The following NBEA variants were observed in gnomAD, a reference collection of about 807,000 sequenced individuals.
NBEA encodes lysosomal-trafficking regulator 2.
In NBEA, 44 loss-of-function variants were observed where a neutral mutation model predicts 343.4. The observed-to-expected ratio is 0.13, with a 90% confidence interval of 0.10 to 0.16. The LOEUF (loss-of-function observed/expected upper bound fraction) is 0.16. Among genes scored for constraint, NBEA ranks in the 10% least tolerant of loss-of-function variants. The pLI is 1.00. For synonymous variants in NBEA, 1,175 were observed against 1,238.7 expected, an observed-to-expected ratio of 0.95 and a Z score of 1.08; for missense variants, 2,555 against 3,631.3, an observed-to-expected ratio of 0.70 and a Z score of 7.62.
chr13:35,216,684 C>T (rs907383394), intron 33 of NBEA, among the ~76,000 whole-genome samples: 1 of 151,828 alleles, frequency 6.6e-6, no homozygotes, highest in Non-Finnish European at 1.5e-5. Context: ...ATTTATCTTC[C>T]TTCACTAAAA....
intron 31 of NBEA, among the ~76,000 whole-genome samples, chr13:35,199,895 T>C (rs2072896947): frequency 6.6e-6 from 1 of 152,108 alleles, no homozygotes; most frequent in Non-Finnish European, 1.5e-5. Flanking sequence ...TTCTATTTCC[T>C]TCAGTCATCT....
At chr13:35,002,386 C>G (rs1042648106) in intron 1 of NBEA, among the ~76,000 whole-genome samples, 2 of 152,128 alleles carry the variant, frequency 1.3e-5, no homozygotes, top group African/African-American at 4.8e-5. Context: ...CTTCCAAATA[C>G]TAATAGGTGA....
chr13:34,993,153 C>A (rs1001255193), intron 1 of NBEA, among the ~76,000 whole-genome samples: 3 of 152,166 alleles, frequency 2.0e-5, no homozygotes, highest in Admixed American at 6.6e-5. Flanking sequence ...CATTTGGTGA[C>A]CCTGTTATTT....
chr13:35,538,908 A>G (rs1432555425), intron 41 of NBEA, among the ~76,000 whole-genome samples: 1 of 152,256 alleles, frequency 6.6e-6, no homozygotes, highest in Non-Finnish European at 1.5e-5. Flanking sequence ...AACATGGTAC[A>G]AAGGAACTTT....
Position 35,314,304 on chromosome 13 carries a change from A to G in NBEA, c.5903+4712A>G, listed in dbSNP as rs1045630812. ...AAGAAACCTGAGAGGCTTGCCAGGCAATTTGGGGGAGCCAATTGAGGTTGC... is the reference window on the plus strand; with the variant it reads ...AAGAAACCTGAGAGGCTTGCCAGGCGATTTGGGGGAGCCAATTGAGGTTGC... On this transcript the variant is annotated intron_variant, in intron 36 of 58. Transcript: ENST00000379939. Among the ~76,000 whole-genome samples the G allele has an allele frequency of 7.2e-5, 11 of 152,276 alleles. 1 individual carries two copies. In the Middle Eastern group the frequency reaches 0.01, roughly 141 times the overall value.
intron 11 of NBEA, among the ~76,000 whole-genome samples, chr13:35,098,934 C>T (rs983223679): frequency 6.6e-6 from 1 of 151,630 alleles, no homozygotes; most frequent in African/African-American, 2.4e-5. Context: ...GACTGAAAAT[C>T]GTATTTATTA....
At chr13:34,961,105 A>G (rs1236533732) in intron 1 of NBEA, among the ~76,000 whole-genome samples, 2 of 152,074 alleles carry the variant, frequency 1.3e-5, no homozygotes, top group Non-Finnish European at 2.9e-5. Context: ...TTGGATCGGT[A>G]TGCATTTTAT....
At chr13:35,617,465 G>A (rs7337682) in intron 48 of NBEA, among the ~76,000 whole-genome samples, 34,692 of 152,048 alleles carry the variant, frequency 0.23, 4,166 homozygotes, top group African/African-American at 0.25. Context: ...GGAAGCCTAC[G>A]GAATAGAAAG....
chr13:35,235,405 A>G (rs2075178332), intron 34 of NBEA, among the ~76,000 whole-genome samples: 1 of 152,184 alleles, frequency 6.6e-6, no homozygotes, highest in Non-Finnish European at 1.5e-5. Flanking sequence ...TCTTTTCCTA[A>G]AATGATTTGA....
intron 41 of NBEA, among the ~76,000 whole-genome samples, chr13:35,528,222 T>C (rs1366469521): frequency 2.0e-5 from 3 of 152,310 alleles, no homozygotes; most frequent in South Asian, 2.1e-4. Context: ...CTCACATAGA[T>C]TTTCAGAAAC....
intron 41 of NBEA, among the ~76,000 whole-genome samples, chr13:35,505,306 C>T (rs1024503082): frequency 7.2e-5 from 11 of 152,068 alleles, no homozygotes; most frequent in African/African-American, 2.2e-4. Context: ...TTCAATGATA[C>T]GTATTTGGCC....
At chr13:35,117,391 CT>C in intron 13 of NBEA, 22 bp from the exon 14 acceptor site, 34 of 1,233,284 alleles carry the variant, frequency 2.8e-5, no homozygotes, top group South Asian at 1.4e-4. Flanking sequence ...TTTTATTTTA[CT>C]TTTTTTTCTG....
intron 46 of NBEA, among the ~76,000 whole-genome samples, chr13:35,587,689 A>G (rs1410326683): frequency 6.6e-6 from 1 of 152,222 alleles, no homozygotes; most frequent in African/African-American, 2.4e-5. Flanking sequence ...GTGTGACTCC[A>G]TAAGAATACT....
intron 38 of NBEA, among the ~76,000 whole-genome samples, chr13:35,430,300 G>A (rs561012939): frequency 9.2e-5 from 14 of 152,056 alleles, no homozygotes; most frequent in Admixed American, 4.6e-4. Context: ...CCCACTTTTC[G>A]ATGGGATTGG....
intron 36 of NBEA, among the ~76,000 whole-genome samples, chr13:35,319,446 A>G (rs550570481): frequency 3.9e-5 from 6 of 152,284 alleles, no homozygotes; most frequent in African/African-American, 1.2e-4. Flanking sequence ...ATTTGATTGC[A>G]CTGTGGTCTG....
At chr13:35,193,918 T>A (rs1029055602) in intron 30 of NBEA, among the ~76,000 whole-genome samples, 2 of 152,114 alleles carry the variant, frequency 1.3e-5, no homozygotes, top group South Asian at 4.1e-4. Flanking sequence ...TTAAGTCAGT[T>A]TAAATTAGTA....
At chr13:35,598,719 A>G (rs2081918101) in intron 47 of NBEA, among the ~76,000 whole-genome samples, 2 of 152,208 alleles carry the variant, frequency 1.3e-5, no homozygotes, top group Non-Finnish European at 2.9e-5. Context: ...AGCAAGTCTG[A>G]AAAACACTAC....
intron 31 of NBEA, among the ~76,000 whole-genome samples, chr13:35,204,975 T>G (rs1030588687): frequency 6.6e-6 from 1 of 152,066 alleles, no homozygotes; most frequent in African/African-American, 2.4e-5. Context: ...GAGTTGAAAA[T>G]TTTTACTCTC....
intron 6 of NBEA, among the ~76,000 whole-genome samples, chr13:35,052,108 C>A (rs551246534): frequency 6.6e-6 from 1 of 151,966 alleles, no homozygotes; most frequent in Non-Finnish European, 1.5e-5. Flanking sequence ...TTTAAAAAGT[C>A]TTTTGTGAAG....
Sources: allele counts gnomAD v4.1 joint callset (sites outside exome capture counted in the v4.1 genomes callset), GRCh38; gene constraint gnomAD v4.1.1; transcripts MANE v1.5; gene names NCBI Gene and HGNC (gene_info 2026-07-23, HGNC 2026-07-21).